MDN1: variants seen among roughly 807,000 people sequenced by gnomAD.
MDN1 encodes the protein midasin AAA ATPase 1, also known as midasin.
In MDN1, 266 loss-of-function variants were observed where a neutral mutation model predicts 669.2. That is an observed-to-expected ratio of 0.40 (90% CI 0.36 to 0.44). The LOEUF (loss-of-function observed/expected upper bound fraction) is 0.44, where lower values mean the gene tolerates loss of function less well. MDN1 is among the 20% of genes least tolerant of loss of function. The pLI, the probability that MDN1 is intolerant of heterozygous loss-of-function variation, is 1.00. For missense variants in MDN1, 5,940 were observed against 6,754.0 expected (o/e 0.88, Z 4.22); for synonymous variants, 2,385 against 2,457.1 (o/e 0.97, Z 0.87).
chr6:89,678,288 C>T (rs1046578518), intron 75 of MDN1, among the ~76,000 whole-genome samples: 4 of 151,942 alleles, frequency 2.6e-5, no homozygotes, highest in South Asian at 2.1e-4. Flanking sequence ...GAGATCACAC[C>T]GCTGCACTAA....
chr6:89,785,927 A>G (rs1196435267), intron 8 of MDN1, among the ~76,000 whole-genome samples: 2 of 152,146 alleles, frequency 1.3e-5, no homozygotes, highest in African/African-American at 4.8e-5. Flanking sequence ...TGAGCCCAGG[A>G]GTTCAAGACC....
At chr6:89,803,604 C>CTGTGTCTCAAAAAA in intron 1 of MDN1, 50 bp from the exon 2 acceptor site, 2 of 1,229,858 alleles carry the variant, frequency 1.6e-6, no homozygotes, top group Non-Finnish European at 2.3e-6. Context: ...TTTTTTGAGA[C>CTGTGTCTCAAAAAA]ACAGTCTCGC....
intron 54 of MDN1, 99 bp from the exon 55 acceptor site, chr6:89,701,777 T>A: frequency 1.3e-6 from 2 of 1,524,384 alleles, no homozygotes; most frequent in Non-Finnish European, 1.8e-6. Flanking sequence ...TTCTTTTAAT[T>A]GTACATTCAC....
At chr6:89,726,788 C>T (rs2768939) in intron 37 of MDN1, among the ~76,000 whole-genome samples, 127,250 of 152,102 alleles carry the variant, frequency 0.84, 53,453 homozygotes, top group East Asian at 1. Flanking sequence ...AAAAGGAGAT[C>T]GGGAAAATAC....
chr6:89,812,198 C>A lies in MDN1; in HGVS notation c.102+7308G>T, dbSNP rs149137318. Among the ~76,000 whole-genome samples the A allele has an allele frequency of 6.4e-3, 974 of 151,730 alleles. 15 individuals are homozygous for A. Among genetic ancestry groups the A allele is most frequent in the African/African-American group, 0.022 (917 of 41,398 alleles). On this transcript the variant is annotated intron_variant, in intron 1 of 101. Transcript: ENST00000369393. ...ACGGGGTTTCACTATGTTGGCCAGG[C>A]TGGTCTCAAACTCCTGACCTCGTGA... is the stretch of plus-strand genomic sequence containing the variant.
rs1810976085 is a variant in MDN1 at position 89,673,525 on chromosome 6, TC to T, written c.13248-64del. On this transcript the variant is annotated intron_variant, in intron 79 of 101. Transcript: ENST00000369393. The stretch of plus-strand genomic sequence containing the variant: ...TACAGTTCCCACAAACACACACCCC[TC>T]CCTGCAACCACTACAAGATATGCAA... 1.6e-5 allele frequency: 22 copies of T among 1,391,932 alleles called. No homozygotes were observed. The South Asian group carries it at 2.5e-4, about 16-fold the overall frequency. 86.2% of individuals were successfully genotyped at this position (1,391,932 alleles called of 1,614,324 possible).
intron 2 of MDN1, among the ~76,000 whole-genome samples, chr6:89,798,599 A>G (rs1039193060): frequency 1.3e-5 from 2 of 152,254 alleles, no homozygotes. Flanking sequence ...CTAAAAGTTA[A>G]AATTTTTGAA....
At chr6:89,742,026 A>G (rs1177273785) in intron 31 of MDN1, among the ~76,000 whole-genome samples, 1 of 152,142 alleles carries the variant, frequency 6.6e-6, no homozygotes, top group East Asian at 1.9e-4. Context: ...GCTTGAACCC[A>G]GGAGGCAGAG....
chr6:89,745,728 G>C, intron 27 of MDN1, 102 bp from the exon 28 acceptor site: 1 of 1,159,272 alleles, frequency 8.6e-7, no homozygotes. Flanking sequence ...CTCATACGCG[G>C]CTGGTGAGGT....
chr6:89,765,577 G>C (rs1817769424), intron 15 of MDN1, among the ~76,000 whole-genome samples: 1 of 152,198 alleles, frequency 6.6e-6, no homozygotes, highest in Admixed American at 6.5e-5. Flanking sequence ...GCCTCCCAAA[G>C]TGCTGAGATT....
chr6:89,743,747 T>C (rs1485092592), intron 29 of MDN1, 33 bp from the exon 30 acceptor site: 2 of 1,598,412 alleles, frequency 1.3e-6, no homozygotes. Flanking sequence ...TAACAAGGCA[T>C]GTGTTTCAAA....
rs772191008 is a variant in MDN1, at chr6:89,819,457, T to C, written c.102+49A>G. 12 of 1,533,224 alleles carry C rather than the reference T, an allele frequency of 7.8e-6. No individual in the cohort carries two copies. The South Asian group carries it at 1.4e-4, about 17-fold the overall frequency. The allele number at this position is 1,533,224 out of a possible 1,614,324, so 95.0% of individuals were successfully genotyped here. On this transcript the variant is annotated intron_variant, in intron 1 of 101. Transcript: ENST00000369393. Reference sequence around the variant, plus strand: ...CGGGGGAGCGCAGGAAGCTTACTAGTGGGGCGACCCAGTCGTTCCGGCGCT... The same window carrying C: ...CGGGGGAGCGCAGGAAGCTTACTAGCGGGGCGACCCAGTCGTTCCGGCGCT...
intron 92 of MDN1, among the ~76,000 whole-genome samples, chr6:89,655,549 CTTATGT>C (rs1391297084): frequency 2.0e-5 from 3 of 152,166 alleles, no homozygotes; most frequent in Non-Finnish European, 2.9e-5. Context: ...CTGCACATTT[CTTATGT>C]TTACAAAGCC....
chr6:89,674,278 T>G lies in MDN1; in HGVS notation c.13073A>C (p.Tyr4358Ser), dbSNP rs777152046. The G allele has an allele frequency of 5.0e-6, 8 of 1,614,104 alleles. No individual in the cohort carries two copies. The African/African-American group carries it at 1.1e-4, about 22-fold the overall frequency. Residue 4358 changes from tyrosine (Y) to serine (S), a missense_variant, in exon 79 of 102, where the codon TAC (tyrosine) becomes TCC (serine). Tyr to Ser is a moderately radical substitution (Grantham distance 144). This residue lies in a region of MDN1 where 2,280 missense variants were observed against 2,576.3 expected (regional missense o/e 0.88). Coordinates refer to ENST00000369393, the MANE Select transcript of MDN1 (RefSeq NM_014611.3). ...CTGACTTCCAGGTATTGGAGATGGG[T>G]AGCTCAGATTGGAAGGAATTAGGTC... ...VLDLIPSNLS[Y>S]PSPIPGSQLP... is the part of the protein sequence containing the mutation.
At chr6:89,673,096 A>C (rs950878743) in intron 80 of MDN1, 140 bp downstream of exon 80, 5 of 719,820 alleles carry the variant, frequency 6.9e-6, no homozygotes, top group Non-Finnish European at 1.1e-5. Context: ...GTGGATTTCA[A>C]CCGCACCTCC....
chr6:89,779,989 C>G (rs1216550294), intron 11 of MDN1, among the ~76,000 whole-genome samples: 1 of 151,856 alleles, frequency 6.6e-6, no homozygotes, highest in Non-Finnish European at 1.5e-5. Flanking sequence ...TCGCTTGAAC[C>G]CAGAAGGTGG....
rs1817572605 is a variant in MDN1 at position 89,762,052 on chromosome 6, G to T, written c.2356+267C>A. On this transcript the variant is annotated intron_variant, in intron 16 of 101. Coordinates refer to ENST00000369393, the MANE Select transcript of MDN1 (RefSeq NM_014611.3). The stretch of plus-strand genomic sequence containing the variant: ...AAACTAAGCCAGCAAAAGCCTCTTG[G>T]CTATAGAATCTAGCTCCTTAGAAAT... Among the ~76,000 whole-genome samples the T allele has an allele frequency of 2.6e-5, 4 of 152,170 alleles. No homozygotes were observed. In the South Asian group the frequency reaches 8.3e-4, roughly 31 times the overall value.
intron 58 of MDN1, 27 bp downstream of exon 58, chr6:89,699,574 A>G (rs1812998902): frequency 1.3e-6 from 2 of 1,588,200 alleles, no homozygotes; most frequent in South Asian, 1.2e-5. Flanking sequence ...AATGTAAAGG[A>G]GGCTTATGTC....
chr6:89,670,893 C>G (rs1562063525), intron 83 of MDN1, 26 bp downstream of exon 83: 1 of 1,603,802 alleles, frequency 6.2e-7, no homozygotes, highest in East Asian at 2.2e-5. Context: ...CTGCTGCTCA[C>G]AGTGCACCAT....
Sources: allele counts gnomAD v4.1 joint callset (sites outside exome capture counted in the v4.1 genomes callset), GRCh38; gene constraint gnomAD v4.1.1; regional missense constraint gnomAD v4.1.1; transcripts MANE v1.5; gene names NCBI Gene and HGNC (gene_info 2026-07-23, HGNC 2026-07-21).